Variants in SAMD5 observed in about 807,000 individuals in gnomAD.
SAMD5 encodes sterile alpha motif domain containing 5, also known as sterile alpha motif domain-containing protein 5.
SAMD5 carries 13 observed loss-of-function variants against 11.3 expected under a neutral mutation model. The observed-to-expected ratio is 1.15, with a 90% CI of 0.75 to 1.83. SAMD5 has a LOEUF of 1.83. Among genes scored for constraint, SAMD5 ranks in the 40% most tolerant of loss-of-function variants. The pLI, the probability that SAMD5 is intolerant of heterozygous loss-of-function variation, is 0.00. For synonymous variants in SAMD5, 129 were observed against 111.3 expected (o/e 1.16, Z -1.00); for missense variants, 255 against 239.1 (o/e 1.07, Z -0.44).
chr6:147,899,574 G>A, the SAMD5 span, among the ~76,000 whole-genome samples: 3 of 152,282 alleles, frequency 2.0e-5, no homozygotes, highest in South Asian at 2.1e-4. Context: ...AGCATCCTTC[G>A]AGAAGGCATG....
chr6:147,693,635 C>T (rs563990582), intron 1 of SAMD5, among the ~76,000 whole-genome samples: 2 of 152,256 alleles, frequency 1.3e-5, no homozygotes, highest in African/African-American at 2.4e-5. Flanking sequence ...GTTTGAATTC[C>T]GTACAAGGTG....
intron 1 of SAMD5, among the ~76,000 whole-genome samples, chr6:147,589,085 G>C (rs1019928789): frequency 3.3e-5 from 5 of 151,938 alleles, no homozygotes; most frequent in Non-Finnish European, 5.9e-5. Context: ...AGCCTCCCCA[G>C]TAGCTGGGAC....
chr6:147,683,114 C>G (rs1317324874), intron 1 of SAMD5, among the ~76,000 whole-genome samples: 2 of 152,208 alleles, frequency 1.3e-5, no homozygotes, highest in Non-Finnish European at 2.9e-5. Context: ...CAGGGAACTT[C>G]TGATCATTGG....
chr6:147,909,228 G>A, the SAMD5 span, among the ~76,000 whole-genome samples: 6 of 152,302 alleles, frequency 3.9e-5, no homozygotes, highest in East Asian at 9.7e-4. Context: ...AGGCCTTGAT[G>A]TGGAGGGGGT....
At chr6:147,629,950 T>A (rs1790122428) in intron 1 of SAMD5, among the ~76,000 whole-genome samples, 2 of 54,844 alleles carry the variant, frequency 3.6e-5, no homozygotes, top group Non-Finnish European at 8.6e-5. Context: ...TTTCTTTTCT[T>A]TTTTTTTTTT....
intron 1 of SAMD5, among the ~76,000 whole-genome samples, chr6:147,624,683 T>A: frequency 6.6e-6 from 1 of 152,102 alleles, no homozygotes; most frequent in East Asian, 1.9e-4. Flanking sequence ...TGAATTGTGC[T>A]GCTATAAACA....
intron 1 of SAMD5, among the ~76,000 whole-genome samples, chr6:147,641,497 C>T (rs1044051412): frequency 1.3e-5 from 2 of 151,956 alleles, no homozygotes; most frequent in African/African-American, 4.8e-5. Context: ...AGACATTTTG[C>T]ATGTCAGGAC....
intron 1 of SAMD5, among the ~76,000 whole-genome samples, chr6:147,669,482 C>G (rs1287413828): frequency 7.6e-6 from 1 of 132,330 alleles, no homozygotes; most frequent in Non-Finnish European, 1.5e-5. Context: ...GGCTGGAGTG[C>G]AGTGTCATGG....
chr6:147,696,822 T>TG (rs1214903334), intron 1 of SAMD5, among the ~76,000 whole-genome samples: 3 of 152,160 alleles, frequency 2.0e-5, no homozygotes, highest in Admixed American at 2.0e-4. Flanking sequence ...CCATATAGGG[T>TG]GCGTTCCATT....
the SAMD5 span, among the ~76,000 whole-genome samples, chr6:147,845,993 A>G: frequency 1.3e-5 from 2 of 152,190 alleles, no homozygotes; most frequent in Admixed American, 6.5e-5. Context: ...CAAGAGGCGT[A>G]CAATTAAACA....
chr6:147,784,043 G>C, the SAMD5 span, among the ~76,000 whole-genome samples: 3 of 152,138 alleles, frequency 2.0e-5, no homozygotes, highest in African/African-American at 4.8e-5. Flanking sequence ...GGATGAGAAA[G>C]CACTGATTTC....
At chr6:147,688,250 C>A (rs1460948891) in intron 1 of SAMD5, among the ~76,000 whole-genome samples, 3 of 152,044 alleles carry the variant, frequency 2.0e-5, no homozygotes, top group Non-Finnish European at 4.4e-5. Flanking sequence ...AAATCTGTCA[C>A]TTTATACTGC....
the SAMD5 span, among the ~76,000 whole-genome samples, chr6:147,803,285 T>G: frequency 0.012 from 1,866 of 152,124 alleles, 48 homozygotes; most frequent in African/African-American, 0.042. Context: ...TCTGCCAAAT[T>G]CAGTCATTTA....
chr6:147,762,979 A>G, the SAMD5 span, among the ~76,000 whole-genome samples: 3 of 152,150 alleles, frequency 2.0e-5, no homozygotes, highest in East Asian at 1.9e-4. Context: ...AATCATAGCT[A>G]CCTTTTTGTT....
At chr6:147,799,471 A>C in the SAMD5 span, among the ~76,000 whole-genome samples, 1 of 151,248 alleles carries the variant, frequency 6.6e-6, no homozygotes, top group African/African-American at 2.4e-5. Flanking sequence ...TTTGAGGGTA[A>C]CCCGACCTTT....
At chr6:147,944,522 A>T in the SAMD5 span, among the ~76,000 whole-genome samples, 1 of 152,188 alleles carries the variant, frequency 6.6e-6, no homozygotes, top group Non-Finnish European at 1.5e-5. Context: ...CCCCTAACAC[A>T]TGGGAATTCA....
intron 1 of SAMD5, among the ~76,000 whole-genome samples, chr6:147,730,746 G>A (rs1178535258): frequency 1.3e-5 from 2 of 152,152 alleles, no homozygotes; most frequent in Non-Finnish European, 2.9e-5. Flanking sequence ...AAAAAGAGGG[G>A]ACAGAGAAAG....
At chr6:147,641,697 T>C (rs1790314530) in intron 1 of SAMD5, among the ~76,000 whole-genome samples, 1 of 152,172 alleles carries the variant, frequency 6.6e-6, no homozygotes. Flanking sequence ...AAGAGTTATG[T>C]ACATGGTTAA....
At chr6:147,921,183 A>G in the SAMD5 span, among the ~76,000 whole-genome samples, 1 of 152,118 alleles carries the variant, frequency 6.6e-6, no homozygotes, top group African/African-American at 2.4e-5. Flanking sequence ...AATTACAGTC[A>G]AACGGGAAAA....
Sources: allele counts gnomAD v4.1 joint callset (sites outside exome capture counted in the v4.1 genomes callset), GRCh38; gene constraint gnomAD v4.1.1; transcripts MANE v1.5; gene names NCBI Gene and HGNC (gene_info 2026-07-23, HGNC 2026-07-21).